The following NPTN variants were observed in gnomAD, a reference collection of about 807,000 sequenced individuals.
NPTN encodes SDR-1.
A neutral mutation model predicts 42.7 loss-of-function variants in NPTN; 5 were observed. That is an observed-to-expected ratio of 0.12 (90% CI 0.06 to 0.25). NPTN has a LOEUF of 0.25. NPTN is among the 10% of genes least tolerant of loss of function. The pLI is 1.00. For missense variants in NPTN, 307 were observed against 525.4 expected, an observed-to-expected ratio of 0.58 and a Z score of 4.06; for synonymous variants, 180 against 201.9, an observed-to-expected ratio of 0.89 and a Z score of 0.92.
chr15:73,633,136 G>C lies in NPTN; in HGVS notation c.80C>G (p.Ala27Gly). The C allele has an allele frequency of 6.7e-7, 1 of 1,494,250 alleles. No individual in the cohort carries two copies. Among genetic ancestry groups the C allele is most frequent in the South Asian group, 1.3e-5 (1 of 75,178 alleles). 92.6% of individuals were successfully genotyped at this position (1,494,250 alleles called of 1,614,324 possible). The stretch of plus-strand genomic sequence containing the variant: ...GGCGCCCCGCTTACCGTTCTGAGCG[G>C]CGCCTGGCCCTGGGAGGAGGGAGCC... ...VSGSLLPGPG[A>G]AQNAGFVKSP... Residue 27 changes from alanine (A) to glycine (G), a missense_variant, in exon 1 of 9, where the codon GCC becomes GGC. Around this residue, in one of 2 missense-constraint regions of NPTN, gnomAD observed 43 missense variants for 34.3 expected, o/e 1.25. Transcript: ENST00000345330.
intron 4 of NPTN, among the ~76,000 whole-genome samples, chr15:73,580,450 G>A (rs1426211141): frequency 0.018 from 1,895 of 103,654 alleles, 117 homozygotes; most frequent in African/African-American, 0.068. Flanking sequence ...TAATATATAT[G>A]TATATATACA....
intron 1 of NPTN, among the ~76,000 whole-genome samples, chr15:73,614,883 T>C (rs1386333208): frequency 6.6e-6 from 1 of 152,176 alleles, no homozygotes; most frequent in Non-Finnish European, 1.5e-5. Context: ...AAGACTAGAC[T>C]TTGTTATATT....
intron 6 of NPTN, among the ~76,000 whole-genome samples, chr15:73,566,063 T>A (rs1894980162): frequency 6.6e-6 from 1 of 152,238 alleles, no homozygotes; most frequent in South Asian, 2.1e-4. Context: ...CAGGTTAGCA[T>A]TAAACCCAAG....
chr15:73,562,756 G>T (rs1404301882), intron 7 of NPTN, among the ~76,000 whole-genome samples: 1 of 152,098 alleles, frequency 6.6e-6, no homozygotes, highest in Non-Finnish European at 1.5e-5. Context: ...AACAACTTTT[G>T]AAAGTATAAC....
chr15:73,560,634 A>G lies in NPTN; in HGVS notation c.*429T>C, dbSNP rs1894607116. The G allele has an allele frequency of 6.7e-6, 1 of 148,842 alleles. No individual in the cohort carries two copies. Among genetic ancestry groups the G allele is most frequent in the Admixed American group, 6.7e-5 (1 of 14,860 alleles). 9.2% of individuals were successfully genotyped at this position (148,842 alleles called of 1,614,324 possible). A position where few individuals can be genotyped will look rare whatever the true frequency, so the allele number is the denominator to read the frequency against. ...CCCCCAAAAATATAAATATATATAT[A>G]TATATATTTATATACTGTATATATC... On this transcript the variant is annotated 3_prime_UTR_variant, in exon 9 of 9. Transcript: ENST00000345330.
intron 1 of NPTN, among the ~76,000 whole-genome samples, chr15:73,626,894 C>G (rs985965066): frequency 6.6e-6 from 1 of 152,010 alleles, no homozygotes; most frequent in East Asian, 1.9e-4. Flanking sequence ...TGAAGTAATA[C>G]CTGGGTGACC....
In NPTN at chr15:73,633,198, C is replaced by G. The variant is rs150640195; in HGVS notation, c.18G>C (p.Leu6=). 6.5e-7 allele frequency: 1 copy of G among 1,530,246 alleles called. No individual in the cohort carries two copies. Among genetic ancestry groups the G allele is most frequent in the Non-Finnish European group, 8.7e-7 (1 of 1,143,818 alleles). 94.8% of individuals were successfully genotyped at this position (1,530,246 alleles called of 1,614,324 possible). ...ACAGCGAGAGGGCCAGGGCGCTGGG[C>G]AGCGACGAACCCGACATCCTCCCTA... MSGSS[L]PSALALSLLL... Residue 6 remains leucine (L), a synonymous_variant, in exon 1 of 9, where the codon CTG becomes CTC. Transcript: ENST00000345330.
At chr15:73,567,248 G>A in intron 6 of NPTN, 1 of 985,318 alleles carries the variant, frequency 1.0e-6, no homozygotes. Flanking sequence ...AAAGTTCAGT[G>A]AGTCTGAAAT....
At chr15:73,601,766 A>G (rs1264275102) in intron 1 of NPTN, among the ~76,000 whole-genome samples, 1 of 152,240 alleles carries the variant, frequency 6.6e-6, no homozygotes, top group Non-Finnish European at 1.5e-5. Context: ...AAGTATTAAT[A>G]TCAGTGCATT....
rs530838579 is a variant in NPTN, at chr15:73,611,245, AAATGGG to A, written c.92-13882_92-13877del. 2.6e-5 allele frequency among the ~76,000 whole-genome samples: 4 copies of A among 152,344 alleles called. No homozygotes were observed. The East Asian group carries it at 7.7e-4, about 29-fold the overall frequency. On this transcript the variant is annotated intron_variant, in intron 1 of 8. Transcript: ENST00000345330. ...AGTAATACGCAATTTCACTCCCATT[AAATGGG>A]AATTTATCACGTATTCAACTCACTG...
At chr15:73,616,384 C>T (rs905827906) in intron 1 of NPTN, among the ~76,000 whole-genome samples, 9 of 152,136 alleles carry the variant, frequency 5.9e-5, no homozygotes, top group Non-Finnish European at 1.2e-4. Context: ...TAATTAACAA[C>T]AACAAACTTT....
chr15:73,620,047 C>T (rs1400647930), intron 1 of NPTN, among the ~76,000 whole-genome samples: 2 of 152,174 alleles, frequency 1.3e-5, no homozygotes, highest in African/African-American at 4.8e-5. Context: ...AACCTAATCT[C>T]TCAGGCTCCA....
chr15:73,572,741 T>C (rs939743554), intron 5 of NPTN, among the ~76,000 whole-genome samples: 1 of 152,156 alleles, frequency 6.6e-6, no homozygotes, highest in Non-Finnish European at 1.5e-5. Flanking sequence ...AAAACAGTAT[T>C]TTCTTCAGGA....
intron 1 of NPTN, among the ~76,000 whole-genome samples, chr15:73,610,136 G>A (rs1044917378): frequency 6.6e-6 from 1 of 151,706 alleles, no homozygotes; most frequent in Non-Finnish European, 1.5e-5. Flanking sequence ...ACCCAGGCTG[G>A]AGTGCAGTGG....
chr15:73,609,654 AACAC>A (rs1442943611), intron 1 of NPTN, among the ~76,000 whole-genome samples: 1 of 152,084 alleles, frequency 6.6e-6, no homozygotes, highest in Non-Finnish European at 1.5e-5. Context: ...ACAAACAAAA[AACAC>A]ACACAAAGAA....
At chr15:73,616,748 T>C (rs1201960552) in intron 1 of NPTN, among the ~76,000 whole-genome samples, 1 of 152,200 alleles carries the variant, frequency 6.6e-6, no homozygotes, top group Non-Finnish European at 1.5e-5. Context: ...ACTTACCTAG[T>C]GTCCCAAACA....
chr15:73,620,715 T>C (rs537760286), intron 1 of NPTN, among the ~76,000 whole-genome samples: 1 of 152,262 alleles, frequency 6.6e-6, no homozygotes, highest in Admixed American at 6.5e-5. Context: ...AAAGTGAGAA[T>C]AGACTGTTCT....
In NPTN at chr15:73,590,397, T is replaced by C. The variant is rs544372857; in HGVS notation, c.611+1569A>G. Reference sequence around the variant, plus strand: ...CTTCATGAAGTTAAAGCTCAGCACTTTGCAGGCAATAGTACAAGACCCAAG... The same window carrying C: ...CTTCATGAAGTTAAAGCTCAGCACTCTGCAGGCAATAGTACAAGACCCAAG... On this transcript the variant is annotated intron_variant, in intron 3 of 8. Coordinates refer to ENST00000345330, the MANE Select transcript of NPTN (RefSeq NM_012428.4). Among the ~76,000 whole-genome samples the C allele has an allele frequency of 3.4e-4, 52 of 152,252 alleles. 1 individual carries two copies. In the South Asian group the frequency reaches 0.011, roughly 31 times the overall value.
At chr15:73,587,412 T>C (rs1459282181) in intron 4 of NPTN, 112 bp downstream of exon 4, 1 of 765,814 alleles carries the variant, frequency 1.3e-6, no homozygotes, top group East Asian at 2.6e-5. Context: ...CACAACATTA[T>C]ATTGTGTCTC....
Sources: gnomAD v4.1 joint callset for allele counts (sites outside exome capture counted in the v4.1 genomes callset) on GRCh38, gnomAD v4.1.1 for gene constraint, gnomAD v4.1.1 regional missense constraint, MANE v1.5 for transcripts, NCBI Gene and HGNC (gene_info 2026-07-23, HGNC 2026-07-21) for gene names.